The following FAF1 variants were observed in gnomAD, a reference collection of about 807,000 sequenced individuals.
The protein encoded by FAF1 is FAS-associated factor 1.
FAF1 carries 25 observed loss-of-function variants against 92.5 expected under a neutral mutation model. That is an observed-to-expected ratio of 0.27 (90% CI 0.20 to 0.38). The LOEUF (loss-of-function observed/expected upper bound fraction) is 0.38, where lower values mean the gene tolerates loss of function less well. Ranked by LOEUF, FAF1 falls within the 10% of genes least tolerant of loss-of-function variation. The probability of loss-of-function intolerance (pLI) is 1.00; values close to 1 mark genes in which losing one functional copy is unlikely to be tolerated. For synonymous variants in FAF1, 234 were observed against 273.2 expected, an observed-to-expected ratio of 0.86 and a Z score of 1.42; for missense variants, 636 against 793.3, an observed-to-expected ratio of 0.80 and a Z score of 2.38.
intron 2 of FAF1, among the ~76,000 whole-genome samples, chr1:50,815,471 A>C (rs1211463534): frequency 6.6e-6 from 1 of 152,138 alleles, no homozygotes. Context: ...CTGTTGATGG[A>C]CACCTAGATT....
intron 2 of FAF1, among the ~76,000 whole-genome samples, chr1:50,847,552 A>G (rs945976567): frequency 2.0e-5 from 3 of 152,134 alleles, no homozygotes; most frequent in Admixed American, 1.3e-4. Flanking sequence ...TACAGAAATT[A>G]CTCAAACTGA....
At chr1:50,913,750 T>A (rs755014087) in intron 1 of FAF1, among the ~76,000 whole-genome samples, 1 of 152,184 alleles carries the variant, frequency 6.6e-6, no homozygotes, top group Non-Finnish European at 1.5e-5. Context: ...ATCGTAAAGA[T>A]ACTAAAAAAT....
intron 15 of FAF1, among the ~76,000 whole-genome samples, chr1:50,506,563 A>G (rs1432209388): frequency 6.6e-6 from 1 of 152,134 alleles, no homozygotes; most frequent in Non-Finnish European, 1.5e-5. Flanking sequence ...CTTCTGTACT[A>G]TATTCACACT....
chr1:50,517,920 C>A (rs989475968), intron 15 of FAF1, among the ~76,000 whole-genome samples: 1 of 152,026 alleles, frequency 6.6e-6, no homozygotes. Flanking sequence ...TTGTTAAAAC[C>A]CATTTTAAAG....
chr1:50,821,654 G>T (rs1431730191), intron 2 of FAF1, among the ~76,000 whole-genome samples: 2 of 152,092 alleles, frequency 1.3e-5, no homozygotes, highest in Non-Finnish European at 2.9e-5. Context: ...TTTTCTCCTG[G>T]TAAAACGGAA....
chr1:50,448,009 C>T (rs1252319950), intron 18 of FAF1, among the ~76,000 whole-genome samples: 1 of 152,136 alleles, frequency 6.6e-6, no homozygotes, highest in Non-Finnish European at 1.5e-5. Context: ...AGTGTGAGGG[C>T]GAGTCAGTGG....
intron 3 of FAF1, among the ~76,000 whole-genome samples, chr1:50,796,859 G>C (rs1374594927): frequency 6.6e-6 from 1 of 152,128 alleles, no homozygotes; most frequent in African/African-American, 2.4e-5. Flanking sequence ...ACCAGGTGAG[G>C]TGGCTCACAC....
chr1:50,573,421 G>A (rs1225580770), intron 12 of FAF1, among the ~76,000 whole-genome samples: 1 of 151,862 alleles, frequency 6.6e-6, no homozygotes, highest in Non-Finnish European at 1.5e-5. Flanking sequence ...TTAAATATAC[G>A]TGAGAGTGAG....
chr1:50,702,521 ATT>A (rs1657517478), intron 7 of FAF1, among the ~76,000 whole-genome samples: 1 of 151,990 alleles, frequency 6.6e-6, no homozygotes, highest in Non-Finnish European at 1.5e-5. Flanking sequence ...AACAGAAAAG[ATT>A]TTTCGTCTTT....
chr1:50,705,267 C>T (rs1276565796), intron 7 of FAF1, among the ~76,000 whole-genome samples: 2 of 152,322 alleles, frequency 1.3e-5, no homozygotes, highest in Non-Finnish European at 1.5e-5. Flanking sequence ...GAAGAAAATA[C>T]TGACACTATA....
intron 1 of FAF1, among the ~76,000 whole-genome samples, chr1:50,866,115 T>C (rs185618441): frequency 4.3e-4 from 65 of 152,196 alleles, no homozygotes; most frequent in African/African-American, 1.3e-3. Flanking sequence ...ATAATCTCAA[T>C]AGATGCAGGA....
intron 8 of FAF1, among the ~76,000 whole-genome samples, chr1:50,609,426 C>G (rs1033726324): frequency 6.6e-6 from 1 of 152,136 alleles, no homozygotes; most frequent in South Asian, 2.1e-4. Context: ...ACTCTGTCAC[C>G]CAGGCTGGAG....
intron 1 of FAF1, among the ~76,000 whole-genome samples, chr1:50,904,180 T>C (rs776912222): frequency 6.6e-6 from 1 of 152,170 alleles, no homozygotes; most frequent in Non-Finnish European, 1.5e-5. Flanking sequence ...GAGAGTATTA[T>C]TCAGCCTTTG....
intron 8 of FAF1, among the ~76,000 whole-genome samples, chr1:50,597,917 G>A (rs1651907672): frequency 6.6e-6 from 1 of 152,184 alleles, no homozygotes; most frequent in African/African-American, 2.4e-5. Flanking sequence ...ACGGCTAAGT[G>A]TAGAATGGAC....
chr1:50,573,434 AAAG>A (rs1485881323), intron 12 of FAF1, among the ~76,000 whole-genome samples: 1 of 152,128 alleles, frequency 6.6e-6, no homozygotes, highest in African/African-American at 2.4e-5. Context: ...AGAGTGAGAA[AAAG>A]AAGAGTAAAA....
intron 15 of FAF1, among the ~76,000 whole-genome samples, chr1:50,523,982 T>C (rs949462013): frequency 1.3e-5 from 2 of 152,212 alleles, no homozygotes; most frequent in Non-Finnish European, 2.9e-5. Flanking sequence ...TCTTCCACAA[T>C]GGTTGAACTA....
intron 1 of FAF1, among the ~76,000 whole-genome samples, chr1:50,902,879 C>A (rs1219273407): frequency 1.3e-5 from 2 of 151,942 alleles, no homozygotes; most frequent in Admixed American, 1.3e-4. Flanking sequence ...TCTGGAAATG[C>A]CGAACTCAAG....
At chr1:50,604,404 G>T (rs1484285828) in intron 8 of FAF1, among the ~76,000 whole-genome samples, 1 of 152,234 alleles carries the variant, frequency 6.6e-6, no homozygotes. Context: ...AACAGGAAAA[G>T]AAACTGAGGT....
intron 8 of FAF1, among the ~76,000 whole-genome samples, chr1:50,598,137 A>C (rs994913349): frequency 3.9e-5 from 6 of 152,124 alleles, no homozygotes; most frequent in African/African-American, 1.4e-4. Context: ...CTAAAAACAT[A>C]AACAAAAGAT....
Sources: allele counts gnomAD v4.1 joint callset (sites outside exome capture counted in the v4.1 genomes callset), GRCh38; gene constraint gnomAD v4.1.1; transcripts MANE v1.5; gene names NCBI Gene and HGNC (gene_info 2026-07-23, HGNC 2026-07-21).